FMN2: variants seen among roughly 807,000 people sequenced by gnomAD.
The protein encoded by FMN2 is formin-2.
A neutral mutation model predicts 142.3 loss-of-function variants in FMN2; 51 were observed. The ratio of observed to expected loss-of-function variants is 0.36; its 90% CI spans 0.29 to 0.45. The LOEUF (loss-of-function observed/expected upper bound fraction) is 0.45, where lower values mean the gene tolerates loss of function less well. Ranked by LOEUF, FMN2 falls within the 20% of genes least tolerant of loss-of-function variation. FMN2 has a pLI of 1.00. For missense variants in FMN2, 1,936 were observed against 2,122.8 expected, an observed-to-expected ratio of 0.91 and a Z score of 1.73; for synonymous variants, 882 against 869.8, an observed-to-expected ratio of 1.01 and a Z score of -0.25.
intron 1 of FMN2, 119 bp downstream of exon 1, chr1:240,093,843 C>T: frequency 1.6e-6 from 1 of 617,208 alleles, no homozygotes; most frequent in Non-Finnish European, 2.4e-6. Context: ...CACATCTCTT[C>T]TCCGTAGGGA....
intron 15 of FMN2, among the ~76,000 whole-genome samples, chr1:240,406,820 A>G (rs1674221892): frequency 6.6e-6 from 1 of 152,308 alleles, no homozygotes; most frequent in African/African-American, 2.4e-5. Flanking sequence ...AATCAATGTA[A>G]GGAAGGAAAA....
chr1:240,244,714 G>A (rs1423325680), intron 6 of FMN2, among the ~76,000 whole-genome samples: 1 of 152,148 alleles, frequency 6.6e-6, no homozygotes, highest in Non-Finnish European at 1.5e-5. Context: ...ATCAGCTGTG[G>A]TATTTTTTTA....
intron 16 of FMN2, among the ~76,000 whole-genome samples, chr1:240,440,650 T>A (rs1485306708): frequency 6.6e-6 from 1 of 152,148 alleles, no homozygotes; most frequent in East Asian, 1.9e-4. Flanking sequence ...TCTAAATCAT[T>A]TGCTTTTAAT....
intron 4 of FMN2, among the ~76,000 whole-genome samples, chr1:240,193,599 C>T (rs1665798715): frequency 6.6e-6 from 1 of 152,148 alleles, no homozygotes; most frequent in Non-Finnish European, 1.5e-5. Flanking sequence ...GGGTGTGGGG[C>T]CAGGGAGAAG....
intron 2 of FMN2, chr1:240,144,709 CTCA>C: frequency 7.7e-7 from 1 of 1,303,964 alleles, no homozygotes; most frequent in South Asian, 1.2e-5. Context: ...TGTATGCATT[CTCA>C]TCAATGTCCT....
chr1:240,396,420 C>T (rs191328102), intron 15 of FMN2, among the ~76,000 whole-genome samples: 7 of 150,268 alleles, frequency 4.7e-5, no homozygotes, highest in African/African-American at 1.7e-4. Context: ...GCTGACAATT[C>T]TGGTAGGAGT....
At chr1:240,112,625 T>C (rs763634766) in intron 1 of FMN2, among the ~76,000 whole-genome samples, 6 of 152,260 alleles carry the variant, frequency 3.9e-5, no homozygotes, top group Non-Finnish European at 8.8e-5. Flanking sequence ...TATATACTTA[T>C]AAAGTTTATA....
intron 14 of FMN2, among the ~76,000 whole-genome samples, chr1:240,372,671 A>T: frequency 6.7e-6 from 1 of 149,726 alleles, no homozygotes; most frequent in African/African-American, 2.5e-5. Flanking sequence ...CTGTTTTGAA[A>T]GCTTGTATAC....
chr1:240,185,664 A>C (rs2103341787), intron 3 of FMN2, among the ~76,000 whole-genome samples: 1 of 152,368 alleles, frequency 6.6e-6, no homozygotes, highest in East Asian at 1.9e-4. Flanking sequence ...TACCGGGTCA[A>C]GGACTATAGA....
chr1:240,398,830 C>T (rs562433298), intron 15 of FMN2, among the ~76,000 whole-genome samples: 16 of 152,260 alleles, frequency 1.1e-4, no homozygotes, highest in African/African-American at 3.4e-4. Context: ...CTGGCAGATG[C>T]TTAGTCCCAA....
chr1:240,204,184 G>A (rs956957663), intron 4 of FMN2, among the ~76,000 whole-genome samples: 5 of 152,030 alleles, frequency 3.3e-5, no homozygotes, highest in African/African-American at 1.2e-4. Flanking sequence ...TGTAGGGGTT[G>A]TGTTTCTAAA....
chr1:240,180,972 C>T (rs1221454021), intron 3 of FMN2, among the ~76,000 whole-genome samples: 2 of 151,456 alleles, frequency 1.3e-5, no homozygotes, highest in African/African-American at 2.4e-5. Flanking sequence ...TTTTTTCCTG[C>T]GTGCTTCGTT....
At chr1:240,468,419 TA>T (rs1321072320) in intron 16 of FMN2, among the ~76,000 whole-genome samples, 2 of 152,164 alleles carry the variant, frequency 1.3e-5, no homozygotes, top group South Asian at 4.1e-4. Flanking sequence ...GATTAGAAGT[TA>T]AACTCAAGTG....
chr1:240,385,299 C>T (rs1394575286), intron 14 of FMN2, among the ~76,000 whole-genome samples: 1 of 152,152 alleles, frequency 6.6e-6, no homozygotes, highest in African/African-American at 2.4e-5. Flanking sequence ...GTTAAAGGCT[C>T]AACGAGGTTT....
intron 2 of FMN2, among the ~76,000 whole-genome samples, chr1:240,146,863 A>G (rs1011116607): frequency 1.6e-4 from 24 of 152,170 alleles, no homozygotes; most frequent in Non-Finnish European, 7.3e-5. Flanking sequence ...CAGTTGTTAC[A>G]GAGTCTGTTC....
intron 16 of FMN2, among the ~76,000 whole-genome samples, chr1:240,446,888 A>C (rs1274115211): frequency 2.0e-5 from 3 of 152,090 alleles, no homozygotes; most frequent in African/African-American, 7.2e-5. Context: ...CTCCTGCTCG[A>C]CTTTAGGATT....
At chr1:240,245,489 G>A (rs1456659) in intron 6 of FMN2, 36,711 of 470,966 alleles carry the variant, frequency 0.078, 1,597 homozygotes, top group Middle Eastern at 0.11. Flanking sequence ...AAAGGTTCCC[G>A]TCCTGATGAC....
At chr1:240,150,567 T>C (rs978087919) in intron 2 of FMN2, among the ~76,000 whole-genome samples, 6 of 152,218 alleles carry the variant, frequency 3.9e-5, no homozygotes, top group Non-Finnish European at 7.3e-5. Flanking sequence ...TAAAGAGTAC[T>C]GAGCTAGGTG....
At chr1:240,362,733 G>A (rs1233250113) in intron 14 of FMN2, among the ~76,000 whole-genome samples, 1 of 152,114 alleles carries the variant, frequency 6.6e-6, no homozygotes, top group Non-Finnish European at 1.5e-5. Flanking sequence ...TGATAAGTGT[G>A]TATTTTAAAA....
Sources: gnomAD v4.1 joint callset for allele counts (sites outside exome capture counted in the v4.1 genomes callset) on GRCh38, gnomAD v4.1.1 for gene constraint, MANE v1.5 for transcripts, NCBI Gene and HGNC (gene_info 2026-07-23, HGNC 2026-07-21) for gene names.